Variants in RAP1GDS1 observed in about 807,000 individuals in gnomAD.
RAP1GDS1 encodes the protein Rap1 GTPase-GDP dissociation stimulator 1.
A neutral mutation model predicts 71.1 loss-of-function variants in RAP1GDS1; 35 were observed. The ratio of observed to expected loss-of-function variants is 0.49; its 90% CI spans 0.38 to 0.65. RAP1GDS1 has a LOEUF of 0.65. Ranked by LOEUF, RAP1GDS1 falls within the 30% of genes least tolerant of loss-of-function variation. The pLI is 0.00. For synonymous variants in RAP1GDS1, 229 were observed against 243.1 expected, an observed-to-expected ratio of 0.94 and a Z score of 0.54; for missense variants, 663 against 706.1, an observed-to-expected ratio of 0.94 and a Z score of 0.69.
intron 6 of RAP1GDS1, among the ~76,000 whole-genome samples, chr4:98,401,237 A>G (rs1351365638): frequency 1.3e-5 from 2 of 152,182 alleles, no homozygotes; most frequent in Non-Finnish European, 2.9e-5. Flanking sequence ...AGATTAGAAA[A>G]CTGCTGGAGT....
intron 6 of RAP1GDS1, among the ~76,000 whole-genome samples, chr4:98,402,257 A>T (rs1214376407): frequency 2.6e-5 from 4 of 152,084 alleles, no homozygotes. Flanking sequence ...TTTTTAGTAG[A>T]GACAGAGTTT....
At position 98,343,140 on chromosome 4, in the gene RAP1GDS1, T is replaced by C; in HGVS notation, c.114T>C (p.Asn38=). 1 of 1,607,888 alleles carries C rather than the reference T, an allele frequency of 6.2e-7. No homozygotes were observed. Among genetic ancestry groups the C allele is most frequent in the South Asian group, 1.1e-5 (1 of 90,556 alleles). Reference sequence around the variant, plus strand: ...GCTCTTTGTATGTATCTCTTTTAGATACGGAAACAAGTGAAAAAATCCAAG... The same window carrying C: ...GCTCTTTGTATGTATCTCTTTTAGACACGGAAACAAGTGAAAAAATCCAAG... ...DCLLQALAQN[N]TETSEKIQAS... is the part of the protein sequence containing the mutation. Residue 38 remains asparagine (N), a splice_region_variant and synonymous_variant, in exon 3 of 15, where the codon AAT becomes AAC. Coordinates refer to ENST00000408927, the MANE Select transcript of RAP1GDS1 (RefSeq NM_001100427.2).
At position 98,442,208 on chromosome 4, in the gene RAP1GDS1, C is replaced by T. The variant is rs1223998941; in HGVS notation, c.*91C>T. The T allele has an allele frequency of 3.3e-5, 50 of 1,501,444 alleles. 1 individual carries two copies. Among genetic ancestry groups the T allele is most frequent in the Non-Finnish European group, 4.4e-5 (49 of 1,113,330 alleles). The allele number at this position is 1,501,444 out of a possible 1,614,324, so 93.0% of individuals were successfully genotyped here. On this transcript the variant is annotated 3_prime_UTR_variant, in exon 15 of 15. Coordinates refer to ENST00000408927, the MANE Select transcript of RAP1GDS1 (RefSeq NM_001100427.2). Reference sequence around the variant, plus strand: ...TTCCGCTTCATTCTCTACCATACCACTTGTGCATGCATGTGATGTTCTAAT... The same window carrying T: ...TTCCGCTTCATTCTCTACCATACCATTTGTGCATGCATGTGATGTTCTAAT...
intron 5 of RAP1GDS1, among the ~76,000 whole-genome samples, chr4:98,390,317 A>C (rs1284967881): frequency 6.6e-6 from 1 of 152,178 alleles, no homozygotes; most frequent in Non-Finnish European, 1.5e-5. Flanking sequence ...ATTCAGAAAA[A>C]AATTTAACAT....
intron 2 of RAP1GDS1, among the ~76,000 whole-genome samples, chr4:98,311,185 C>A (rs1298100427): frequency 6.6e-6 from 1 of 152,060 alleles, no homozygotes; most frequent in East Asian, 1.9e-4. Context: ...AGAATGCTGC[C>A]TGGGATGAAT....
At chr4:98,331,492 C>G (rs1480960188) in intron 2 of RAP1GDS1, among the ~76,000 whole-genome samples, 1 of 152,090 alleles carries the variant, frequency 6.6e-6, no homozygotes, top group African/African-American at 2.4e-5. Flanking sequence ...TTATTATCAA[C>G]AATTGACAAG....
At chr4:98,381,372 G>C (rs1424842924) in intron 5 of RAP1GDS1, among the ~76,000 whole-genome samples, 3 of 151,524 alleles carry the variant, frequency 2.0e-5, no homozygotes, top group Non-Finnish European at 4.4e-5. Flanking sequence ...AATTTGTGAA[G>C]TGATTCTTTT....
At chr4:98,320,580 G>T (rs1440641868) in intron 2 of RAP1GDS1, among the ~76,000 whole-genome samples, 1 of 151,808 alleles carries the variant, frequency 6.6e-6, no homozygotes, top group Non-Finnish European at 1.5e-5. Flanking sequence ...ATCTGAGAAC[G>T]GGCAGACTGC....
chr4:98,374,153 G>A (rs574531390), intron 4 of RAP1GDS1, among the ~76,000 whole-genome samples: 28 of 152,100 alleles, frequency 1.8e-4, no homozygotes, highest in Non-Finnish European at 3.8e-4. Context: ...TAGACCATTT[G>A]CTATTTTCTT....
chr4:98,265,130 A>C (rs571390239), intron 1 of RAP1GDS1, among the ~76,000 whole-genome samples: 1 of 152,334 alleles, frequency 6.6e-6, no homozygotes, highest in South Asian at 2.1e-4. Flanking sequence ...ACTACAGAAC[A>C]CTTCAGAAGA....
chr4:98,409,279 A>G (rs1395399937), intron 7 of RAP1GDS1: 2 of 152,330 alleles, frequency 1.3e-5, no homozygotes, highest in Non-Finnish European at 2.9e-5. Flanking sequence ...ACCTTCCAGT[A>G]ATTTAACAAA....
rs368797455 is a variant in RAP1GDS1, at chr4:98,403,521, CT to C, written c.638-951del. On this transcript the variant is annotated intron_variant, in intron 6 of 14. Transcript: ENST00000408927. The stretch of plus-strand genomic sequence containing the variant: ...AGATTTCACAGTATGTCAAAAGCCC[CT>C]TTTTGGTATTGAGTTTAGAATGCTA... Among the ~76,000 whole-genome samples the C allele has an allele frequency of 5.0e-3, 759 of 152,232 alleles. 7 individuals are homozygous for C. The highest frequency in any genetic ancestry group is 0.018 in the South Asian group (87 of 4,810).
At chr4:98,307,963 C>T (rs1267052459) in intron 2 of RAP1GDS1, among the ~76,000 whole-genome samples, 1 of 151,958 alleles carries the variant, frequency 6.6e-6, no homozygotes, top group East Asian at 1.9e-4. Context: ...AATATAACAT[C>T]TCTTGATTTT....
chr4:98,386,697 A>G (rs1742813770), intron 5 of RAP1GDS1, among the ~76,000 whole-genome samples: 1 of 151,928 alleles, frequency 6.6e-6, no homozygotes, highest in East Asian at 1.9e-4. Flanking sequence ...TTGAATTTTA[A>G]ACACATGTAA....
intron 3 of RAP1GDS1, among the ~76,000 whole-genome samples, chr4:98,349,668 G>T (rs1408370650): frequency 1.3e-5 from 2 of 152,146 alleles, no homozygotes; most frequent in Non-Finnish European, 2.9e-5. Flanking sequence ...AATTCTCCTT[G>T]AAGAGGTCAT....
rs975153192 is a variant in RAP1GDS1, at chr4:98,443,071, A to AGT, written c.*955_*956dup. The AGT allele has an allele frequency of 9.1e-5, 19 of 208,536 alleles. No individual in the cohort carries two copies. Among genetic ancestry groups the AGT allele is most frequent in the African/African-American group, 4.6e-4 (18 of 39,554 alleles). The allele number at this position is 208,536 out of a possible 1,614,324, so 12.9% of individuals were successfully genotyped here. On this transcript the variant is annotated 3_prime_UTR_variant, in exon 15 of 15. Coordinates refer to ENST00000408927, the MANE Select transcript of RAP1GDS1 (RefSeq NM_001100427.2). ...TTCATCATTCAGCTAGAAAGTGAGAAGTTTTATCTTCCATAGTCCTTTTAA... is the reference window on the plus strand; with the variant it reads ...TTCATCATTCAGCTAGAAAGTGAGAAGTGTTTTATCTTCCATAGTCCTTTTAA...
intron 5 of RAP1GDS1, among the ~76,000 whole-genome samples, chr4:98,390,312 G>GA (rs906785495): frequency 6.6e-6 from 1 of 151,966 alleles, no homozygotes; most frequent in Non-Finnish European, 1.5e-5. Context: ...TTCATATTCA[G>GA]AAAAAAATTT....
At chr4:98,423,697 A>C (rs1177905195) in intron 12 of RAP1GDS1, among the ~76,000 whole-genome samples, 1 of 152,008 alleles carries the variant, frequency 6.6e-6, no homozygotes, top group Non-Finnish European at 1.5e-5. Context: ...GGCGTGCACC[A>C]CCATGCCCGG....
chr4:98,324,583 A>T (rs868840919), intron 2 of RAP1GDS1, among the ~76,000 whole-genome samples: 1 of 145,684 alleles, frequency 6.9e-6, no homozygotes. Flanking sequence ...ATATAGATCA[A>T]TGGAACAGAA....
Sources: allele counts gnomAD v4.1 joint callset (sites outside exome capture counted in the v4.1 genomes callset), GRCh38; gene constraint gnomAD v4.1.1; transcripts MANE v1.5; gene names NCBI Gene and HGNC (gene_info 2026-07-23, HGNC 2026-07-21).